RBFOX1: variants seen among roughly 807,000 people sequenced by gnomAD.
RBFOX1 encodes RNA binding protein fox-1 homolog 1.
A neutral mutation model predicts 57.7 loss-of-function variants in RBFOX1; 8 were observed. The observed-to-expected ratio is 0.14, with a 90% CI of 0.08 to 0.25. The LOEUF is 0.25. RBFOX1 is among the 10% of genes least tolerant of loss of function. The probability of loss-of-function intolerance (pLI) is 1.00; values close to 1 mark genes in which losing one functional copy is unlikely to be tolerated. For synonymous variants in RBFOX1, 326 were observed against 222.4 expected, an observed-to-expected ratio of 1.47 and a Z score of -4.15; for missense variants, 611 against 548.5, an observed-to-expected ratio of 1.11 and a Z score of -1.14.
At chr16:7,669,283 T>TGTTG (rs1457705985) in intron 13 of RBFOX1, among the ~76,000 whole-genome samples, 1 of 127,692 alleles carries the variant, frequency 7.8e-6, no homozygotes, top group South Asian at 2.6e-4. Context: ...CCAAGACATC[T>TGTTG]GTTGGTTGAC....
intron 4 of RBFOX1, among the ~76,000 whole-genome samples, chr16:7,248,952 G>C (rs987286432): frequency 1.7e-4 from 26 of 152,172 alleles, no homozygotes; most frequent in Non-Finnish European, 1.5e-4. Flanking sequence ...TCTTGTTCTA[G>C]GAGAGGTCCC....
chr16:7,603,259 T>C (rs1249523768), intron 9 of RBFOX1, among the ~76,000 whole-genome samples: 2 of 152,164 alleles, frequency 1.3e-5, no homozygotes, highest in Non-Finnish European at 2.9e-5. Context: ...ATTTGTCTAT[T>C]AGGAAAAACT....
At chr16:5,944,999 G>GAA (rs1333542507) in intron 4 of RBFOX1, among the ~76,000 whole-genome samples, 1 of 145,554 alleles carries the variant, frequency 6.9e-6, no homozygotes, top group Non-Finnish European at 1.5e-5. Context: ...GAGAGAGAGA[G>GAA]AGAGAGAAAG....
chr16:5,873,752 T>C (rs2057537111), intron 4 of RBFOX1, among the ~76,000 whole-genome samples: 1 of 152,202 alleles, frequency 6.6e-6, no homozygotes, highest in African/African-American at 2.4e-5. Flanking sequence ...TAAGGCTTCC[T>C]ACATATTTGG....
Position 6,474,002 on chromosome 16 carries a change from G to A in RBFOX1, c.-64+156945G>A, listed in dbSNP as rs566044138. Among the ~76,000 whole-genome samples, 7 of 152,258 alleles carry A rather than the reference G, an allele frequency of 4.6e-5. No individual in the cohort carries two copies. The South Asian group carries it at 6.2e-4, about 14-fold the overall frequency. On this transcript the variant is annotated intron_variant, in intron 2 of 15. Transcript: ENST00000550418. The stretch of plus-strand genomic sequence containing the variant: ...GATAGTAATCTGACTTCCTTGAATC[G>A]TGACTTGTGGATAGCAGGCTGGCTT...
intron 3 of RBFOX1, among the ~76,000 whole-genome samples, chr16:6,863,946 C>G (rs924457166): frequency 1.3e-5 from 2 of 150,680 alleles, no homozygotes; most frequent in Non-Finnish European, 3.0e-5. Flanking sequence ...CTCCTTCTTC[C>G]TTCTCTTGCA....
intron 2 of RBFOX1, among the ~76,000 whole-genome samples, chr16:6,531,581 C>A (rs141628006): frequency 3.2e-4 from 49 of 152,156 alleles, no homozygotes; most frequent in African/African-American, 1.2e-3. Flanking sequence ...AAAACAGCTA[C>A]CTAGGGTTTC....
chr16:5,676,111 G>C (rs1473448097), intron 3 of RBFOX1, among the ~76,000 whole-genome samples: 2 of 152,094 alleles, frequency 1.3e-5, no homozygotes, highest in Non-Finnish European at 2.9e-5. Context: ...GCAGGGGGAG[G>C]GAGAGCATTA....
chr16:6,157,225 G>C (rs2096844702), intron 1 of RBFOX1, among the ~76,000 whole-genome samples: 1 of 152,080 alleles, frequency 6.6e-6, no homozygotes, highest in Non-Finnish European at 1.5e-5. Flanking sequence ...AAATAAAAGA[G>C]ACATAAATGT....
intron 2 of RBFOX1, among the ~76,000 whole-genome samples, chr16:6,592,301 C>T (rs2097722351): frequency 6.6e-6 from 1 of 152,206 alleles, no homozygotes; most frequent in Admixed American, 6.5e-5. Context: ...AAGCTTCCTC[C>T]ATGATGGATA....
intron 4 of RBFOX1, among the ~76,000 whole-genome samples, chr16:7,128,905 C>A (rs1319245895): frequency 1.3e-5 from 2 of 150,604 alleles, no homozygotes; most frequent in Admixed American, 1.3e-4. Context: ...ACTGCAACCT[C>A]CGCCTCCTGG....
chr16:5,741,177 A>G (rs2052757394), intron 3 of RBFOX1, among the ~76,000 whole-genome samples: 1 of 152,090 alleles, frequency 6.6e-6, no homozygotes, highest in African/African-American at 2.4e-5. Flanking sequence ...CCACGAGCAG[A>G]GTCTCATCTC....
intron 14 of RBFOX1, among the ~76,000 whole-genome samples, chr16:7,679,055 C>T (rs2074094704): frequency 6.6e-6 from 1 of 152,160 alleles, no homozygotes; most frequent in Non-Finnish European, 1.5e-5. Context: ...TTATCATAAG[C>T]AAGACACTTG....
At chr16:5,359,926 T>C (rs1200578769) in intron 1 of RBFOX1, among the ~76,000 whole-genome samples, 1 of 102,564 alleles carries the variant, frequency 9.8e-6, no homozygotes, top group Admixed American at 9.9e-5. Flanking sequence ...ATTTAACATC[T>C]CTTGATTATG....
chr16:7,007,932 C>T (rs967033407), intron 3 of RBFOX1, among the ~76,000 whole-genome samples: 6 of 152,136 alleles, frequency 3.9e-5, no homozygotes, highest in African/African-American at 1.4e-4. Flanking sequence ...CCTCCTAGTA[C>T]AACAGGTGCC....
At chr16:7,138,091 C>G (rs1483446977) in intron 4 of RBFOX1, among the ~76,000 whole-genome samples, 2 of 152,080 alleles carry the variant, frequency 1.3e-5, no homozygotes, top group African/African-American at 4.8e-5. Flanking sequence ...AGAATGGTGA[C>G]TCAGAGATTC....
intron 4 of RBFOX1, among the ~76,000 whole-genome samples, chr16:7,083,598 A>G (rs778964430): frequency 6.6e-6 from 1 of 152,152 alleles, no homozygotes; most frequent in East Asian, 1.9e-4. Context: ...TCAGTCTGCT[A>G]ACTCAGATGC....
intron 2 of RBFOX1, among the ~76,000 whole-genome samples, chr16:6,455,386 C>T (rs1223063081): frequency 2.0e-5 from 3 of 152,104 alleles, no homozygotes; most frequent in Non-Finnish European, 2.9e-5. Flanking sequence ...GCTCTGCGGT[C>T]GTGGGAAAGG....
At chr16:7,045,011 C>G (rs1279112170) in intron 3 of RBFOX1, among the ~76,000 whole-genome samples, 1 of 152,168 alleles carries the variant, frequency 6.6e-6, no homozygotes, top group Non-Finnish European at 1.5e-5. Flanking sequence ...AAACACACAA[C>G]TCATGATGGG....
Sources: allele counts gnomAD v4.1 joint callset (sites outside exome capture counted in the v4.1 genomes callset), GRCh38; gene constraint gnomAD v4.1.1; transcripts MANE v1.5; gene names NCBI Gene and HGNC (gene_info 2026-07-23, HGNC 2026-07-21).